Variants in TNRC6B observed in about 807,000 individuals in gnomAD.
TNRC6B encodes trinucleotide repeat containing adaptor 6B, also known as trinucleotide repeat-containing gene 6B protein.
Under a neutral mutation model 203.6 loss-of-function variants are expected in TNRC6B, and 52 were observed. The ratio of observed to expected loss-of-function variants is 0.26; its 90% CI spans 0.20 to 0.32. The LOEUF is 0.32. TNRC6B is among the 10% of genes least tolerant of loss of function. The probability of loss-of-function intolerance (pLI) is 1.00; values close to 1 mark genes in which losing one functional copy is unlikely to be tolerated. For synonymous variants in TNRC6B, 838 were observed against 845.7 expected, an observed-to-expected ratio of 0.99 and a Z score of 0.16; for missense variants, 1,923 against 2,286.2, an observed-to-expected ratio of 0.84 and a Z score of 3.24.
intron 2 of TNRC6B, among the ~76,000 whole-genome samples, chr22:40,122,977 C>T (rs1194478969): frequency 6.6e-6 from 1 of 152,324 alleles, no homozygotes; most frequent in East Asian, 1.9e-4. Context: ...GCTCCCCCTC[C>T]AGGTTCCAGT....
intron 1 of TNRC6B, among the ~76,000 whole-genome samples, chr22:40,073,149 T>G (rs1385429520): frequency 5.3e-5 from 8 of 150,212 alleles, no homozygotes; most frequent in African/African-American, 1.7e-4. Flanking sequence ...TGGTTTTTTT[T>G]TTTTTTTTTT....
intron 15 of TNRC6B, among the ~76,000 whole-genome samples, chr22:40,307,236 AC>A (rs1372505856): frequency 3.9e-5 from 6 of 152,170 alleles, no homozygotes; most frequent in Admixed American, 6.5e-5. Flanking sequence ...GAAAAACACA[AC>A]CTGATCCCTT....
chr22:40,182,714 G>A (rs2069149959), intron 1 of TNRC6B, among the ~76,000 whole-genome samples: 1 of 152,194 alleles, frequency 6.6e-6, no homozygotes, highest in African/African-American at 2.4e-5. Flanking sequence ...TTATGACTGA[G>A]ATAACTCCTT....
chr22:40,066,357 C>T (rs989966476), intron 1 of TNRC6B, among the ~76,000 whole-genome samples: 12 of 152,094 alleles, frequency 7.9e-5, no homozygotes, highest in African/African-American at 2.9e-4. Context: ...TTTCTGGAAG[C>T]GGAAGTCTTG....
In TNRC6B at chr22:40,324,243, A is replaced by T; in HGVS notation, c.*1002A>T. On this transcript the variant is annotated 3_prime_UTR_variant, in exon 23 of 23. Coordinates refer to ENST00000454349, the MANE Select transcript of TNRC6B (RefSeq NM_001162501.2). ...AGAGTGGAGCACTGCCAAGTCCAAA[A>T]AACTAGAGCAGGAGGTACCTCTTGG... is the stretch of plus-strand genomic sequence containing the variant. The T allele has an allele frequency of 6.6e-6, 1 of 151,976 alleles. No homozygotes were observed. The highest frequency in any genetic ancestry group is 1.9e-4 in the East Asian group (1 of 5,170). 9.4% of individuals were successfully genotyped at this position (151,976 alleles called of 1,614,324 possible). A position where few individuals can be genotyped will look rare whatever the true frequency, so the allele number is the denominator to read the frequency against.
rs570256089 is a variant in TNRC6B, at chr22:40,183,893, C to T, written c.5+5753C>T. ...GTATATTTTAGTAGATACAGTGTTT[C>T]GGCATGTTGGCCAGGCTGATCTCGA... On this transcript the variant is annotated intron_variant, in intron 1 of 22. Transcript: ENST00000454349. Among the ~76,000 whole-genome samples the T allele has an allele frequency of 2.2e-4, 33 of 152,188 alleles. No homozygotes were observed. In the South Asian group the frequency reaches 5.0e-3, roughly 23 times the overall value.
intron 1 of TNRC6B, chr22:40,106,562 G>A: frequency 2.7e-6 from 2 of 729,858 alleles, no homozygotes; most frequent in Non-Finnish European, 2.5e-6. Context: ...ATCTGTCAAA[G>A]CAATTCGCTT....
intron 1 of TNRC6B, among the ~76,000 whole-genome samples, chr22:40,052,927 CT>C (rs2067762231): frequency 6.6e-6 from 1 of 152,024 alleles, no homozygotes; most frequent in Non-Finnish European, 1.5e-5. Flanking sequence ...ATGTGCTATG[CT>C]TTGTCTTTCT....
intron 12 of TNRC6B, among the ~76,000 whole-genome samples, chr22:40,298,081 C>T (rs560405941): frequency 3.2e-4 from 49 of 151,744 alleles, no homozygotes; most frequent in Non-Finnish European, 1.0e-4. Context: ...GCCGAGATTG[C>T]GCCACTGCAC....
intron 12 of TNRC6B, among the ~76,000 whole-genome samples, chr22:40,299,637 A>G (rs1316733153): frequency 6.6e-6 from 1 of 152,114 alleles, no homozygotes. Context: ...TAGTCCCCCA[A>G]ACTGCTGGGA....
intron 3 of TNRC6B, among the ~76,000 whole-genome samples, chr22:40,135,432 C>G (rs967051197): frequency 1.3e-5 from 2 of 152,134 alleles, no homozygotes; most frequent in South Asian, 4.1e-4. Flanking sequence ...AAGAATAGAC[C>G]ACAGATTAAA....
chr22:40,246,185 C>G, intron 2 of TNRC6B, 83 bp downstream of exon 2: 1 of 1,108,480 alleles, frequency 9.0e-7, no homozygotes, highest in South Asian at 1.6e-5. Flanking sequence ...CTTGAATATC[C>G]GATATCTTTT....
chr22:40,117,521 A>G (rs1373340218), intron 2 of TNRC6B, among the ~76,000 whole-genome samples: 1 of 152,214 alleles, frequency 6.6e-6, no homozygotes, highest in East Asian at 1.9e-4. Flanking sequence ...CCCTCATGGC[A>G]TCCAGTTGCT....
chr22:40,312,701 G>C, intron 18 of TNRC6B, 50 bp downstream of exon 18: 1 of 1,572,210 alleles, frequency 6.4e-7, no homozygotes, highest in Non-Finnish European at 8.6e-7. Context: ...CATTTTCATA[G>C]TTGTCAGTTT....
chr22:40,144,981 C>G (rs995545966), intron 3 of TNRC6B, among the ~76,000 whole-genome samples: 31 of 150,252 alleles, frequency 2.1e-4, no homozygotes, highest in African/African-American at 7.4e-4. Flanking sequence ...CCTGTAATCC[C>G]AGCACTTTGG....
intron 1 of TNRC6B, among the ~76,000 whole-genome samples, chr22:40,103,639 T>C (rs1015440878): frequency 6.6e-6 from 1 of 152,100 alleles, no homozygotes; most frequent in Non-Finnish European, 1.5e-5. Flanking sequence ...AATTCTTTTT[T>C]TTTCTTTATT....
chr22:40,149,465 G>C (rs1330372658), intron 3 of TNRC6B, among the ~76,000 whole-genome samples: 2 of 151,970 alleles, frequency 1.3e-5, no homozygotes, highest in Non-Finnish European at 2.9e-5. Flanking sequence ...TCAGGAGTTT[G>C]AGACCAGCCT....
At chr22:40,191,210 GT>G (rs1388292274) in intron 1 of TNRC6B, among the ~76,000 whole-genome samples, 1 of 152,160 alleles carries the variant, frequency 6.6e-6, no homozygotes, top group East Asian at 1.9e-4. Context: ...TCAGCCCAGT[GT>G]TGAGCAGCTG....
chr22:40,079,577 A>G (rs1601803090), intron 1 of TNRC6B, among the ~76,000 whole-genome samples: 1 of 151,438 alleles, frequency 6.6e-6, no homozygotes, highest in Non-Finnish European at 1.5e-5. Flanking sequence ...CTAAGTATAT[A>G]TATATATTTT....
Sources: gnomAD v4.1 joint callset for allele counts (sites outside exome capture counted in the v4.1 genomes callset) on GRCh38, gnomAD v4.1.1 for gene constraint, MANE v1.5 for transcripts, NCBI Gene and HGNC (gene_info 2026-07-23, HGNC 2026-07-21) for gene names.